Variants in DSE observed in about 807,000 individuals in gnomAD.
DSE encodes the protein dermatan sulfate epimerase.
In DSE, 36 loss-of-function variants were observed where a neutral mutation model predicts 84.4. That is an observed-to-expected ratio of 0.43 (90% confidence interval 0.33 to 0.56). The LOEUF is 0.56. DSE is among the 20% of genes least tolerant of loss of function. The pLI is 0.06. For missense variants in DSE, 862 were observed against 1,169.6 expected, an observed-to-expected ratio of 0.74 and a Z score of 3.84; for synonymous variants, 410 against 430.1, an observed-to-expected ratio of 0.95 and a Z score of 0.58.
chr6:116,258,509 G>T, exon 2 of DSE: 1 of 1,203,008 alleles, frequency 8.3e-7, no homozygotes, highest in Non-Finnish European at 1.2e-6. Flanking sequence ...GTTGGACTTG[G>T]CCACATGCTC....
intron 2 of DSE, among the ~76,000 whole-genome samples, chr6:116,335,328 AC>A: frequency 6.6e-6 from 1 of 152,240 alleles, no homozygotes; most frequent in East Asian, 1.9e-4. Flanking sequence ...AAATGATGAA[AC>A]CATATAGACA....
At chr6:116,343,720 C>G (rs1411511825) in intron 2 of DSE, among the ~76,000 whole-genome samples, 1 of 152,200 alleles carries the variant, frequency 6.6e-6, no homozygotes, top group Non-Finnish European at 1.5e-5. Flanking sequence ...AATCAGAGTG[C>G]CTCTTCTCCT....
chr6:116,338,219 C>CTTTTTTTTTTTTTTTTTT (rs893312210), intron 2 of DSE, among the ~76,000 whole-genome samples: 1 of 91,190 alleles, frequency 1.1e-5, no homozygotes, highest in African/African-American at 4.6e-5. Flanking sequence ...TTTCTTCTTT[C>CTTTTTTTTTTTTTTTTTT]TTTTTTTTTT....
intron 2 of DSE, among the ~76,000 whole-genome samples, chr6:116,308,595 G>A (rs904734912): frequency 2.6e-5 from 4 of 152,118 alleles, no homozygotes; most frequent in African/African-American, 9.7e-5. Flanking sequence ...TATTTTTAAA[G>A]CAATTTACAT....
intron 2 of DSE, among the ~76,000 whole-genome samples, chr6:116,298,238 A>G (rs1774787060): frequency 6.6e-6 from 1 of 152,190 alleles, no homozygotes; most frequent in South Asian, 2.1e-4. Context: ...AAAGATGTCC[A>G]TGTTCTAGTC....
At chr6:116,256,937 A>T (rs571253707) in intron 1 of DSE, among the ~76,000 whole-genome samples, 34 of 152,340 alleles carry the variant, frequency 2.2e-4, no homozygotes, top group Admixed American at 1.3e-4. Flanking sequence ...TCTATGGGAA[A>T]ATATCGATAG....
Position 116,437,509 on chromosome 6 carries a change from G to A in DSE, c.*164G>A, listed in dbSNP as rs1583240398. 3.0e-6 allele frequency: 2 copies of A among 662,316 alleles called. No individual in the cohort carries two copies. Among genetic ancestry groups the A allele is most frequent in the Non-Finnish European group, 4.8e-6 (2 of 413,356 alleles). The allele number at this position is 662,316 out of a possible 1,614,324, so 41.0% of individuals were successfully genotyped here. On this transcript the variant is annotated 3_prime_UTR_variant, in exon 6 of 6. Transcript: ENST00000644252. The stretch of plus-strand genomic sequence containing the variant: ...AAAGCAGGAACGTGGAGAAATTGGA[G>A]CAGGAAAAGAAATTATCAAAGCAAT...
chr6:116,284,826 A>G (rs1773781417), intron 2 of DSE, among the ~76,000 whole-genome samples: 1 of 152,090 alleles, frequency 6.6e-6, no homozygotes. Context: ...AGCTTCATCC[A>G]TGTCACTACA....
rs1166994239 is a variant in DSE at position 116,435,656 on chromosome 6, C to G, written c.1188C>G (p.Asp396Glu). Residue 396 changes from aspartate (D) to glutamate (E), a missense_variant, in exon 6 of 6, where the codon GAC becomes GAG. Asp to Glu is a conservative substitution (Grantham distance 45). Coordinates refer to ENST00000644252, the MANE Select transcript of DSE (RefSeq NM_013352.4). ...CCCCTACACTGCATTATTTTGAAGA[C>G]TGGGGTGTCGTGACTTATGGAAGTG... Reference protein sequence around the residue: ...FGTPTLHYFEDWGVVTYGSAL... With the variant: ...FGTPTLHYFEEWGVVTYGSAL... The G allele has an allele frequency of 1.9e-6, 3 of 1,613,940 alleles. No individual in the cohort carries two copies. In the African/African-American group the frequency reaches 4.0e-5, roughly 22 times the overall value.
chr6:116,402,782 A>G (rs969010604), intron 2 of DSE, among the ~76,000 whole-genome samples: 2 of 152,194 alleles, frequency 1.3e-5, no homozygotes, highest in African/African-American at 2.4e-5. Flanking sequence ...TTTAAAATGT[A>G]TACAAGAATC....
At chr6:116,435,419 C>G (rs982306501) in intron 5 of DSE, among the ~76,000 whole-genome samples, 168 bp from the exon 6 acceptor site, 1 of 152,138 alleles carries the variant, frequency 6.6e-6, no homozygotes, top group South Asian at 2.1e-4. Flanking sequence ...CAAGGGTTTC[C>G]CTTTGTGCAT....
At chr6:116,349,501 C>T (rs1191548258) in intron 2 of DSE, among the ~76,000 whole-genome samples, 1 of 152,214 alleles carries the variant, frequency 6.6e-6, no homozygotes, top group East Asian at 1.9e-4. Flanking sequence ...CGGGCCTTCT[C>T]CAGGAAATAT....
chr6:116,380,410 G>A (rs1351218830), intron 1 of DSE, among the ~76,000 whole-genome samples: 1 of 152,100 alleles, frequency 6.6e-6, no homozygotes, highest in African/African-American at 2.4e-5. Flanking sequence ...AATGCAGTAG[G>A]ATTGCAGGAA....
intron 1 of DSE, among the ~76,000 whole-genome samples, chr6:116,385,580 T>A (rs1441565381): frequency 6.6e-6 from 1 of 152,090 alleles, no homozygotes. Context: ...TGCCAGTAAC[T>A]GAGTTGGGGA....
intron 2 of DSE, among the ~76,000 whole-genome samples, chr6:116,361,418 G>A (rs1392158878): frequency 6.6e-6 from 1 of 152,114 alleles, no homozygotes; most frequent in African/African-American, 2.4e-5. Flanking sequence ...GGCTTAATGA[G>A]CTTTTTTGAG....
chr6:116,308,744 C>A (rs1582989675), intron 2 of DSE, among the ~76,000 whole-genome samples: 1 of 152,022 alleles, frequency 6.6e-6, no homozygotes, highest in Non-Finnish European at 1.5e-5. Context: ...GTGGCATGAT[C>A]TCGGCTCACT....
chr6:116,266,284 T>C (rs931964347), intron 2 of DSE, among the ~76,000 whole-genome samples: 2 of 152,204 alleles, frequency 1.3e-5, no homozygotes, highest in Non-Finnish European at 2.9e-5. Context: ...ATTGGACAAC[T>C]GCAACCTCTT....
In DSE at chr6:116,436,132, A is replaced by G; in HGVS notation, c.1664A>G (p.Gln555Arg). Residue 555 changes from glutamine (Q) to arginine (R), a missense_variant, in exon 6 of 6, where the codon CAG becomes CGG. Physicochemically the swap from Gln to Arg is conservative, Grantham distance 43. Around this residue, in one of 4 missense-constraint regions of DSE, gnomAD observed 186 missense variants for 255.1 expected, o/e 0.73. Transcript: ENST00000644252. ...YNPQLNLKNV[Q>R]RNLILLHPQL... ...CCCCAGCTCAACCTGAAGAATGTTC[A>G]GAGGAATCTCATCCTCCTACATCCA... 2.5e-6 allele frequency: 4 copies of G among 1,613,028 alleles called. No individual in the cohort carries two copies. The highest frequency in any genetic ancestry group is 2.2e-5 in the South Asian group (2 of 91,024).
intron 2 of DSE, among the ~76,000 whole-genome samples, chr6:116,274,187 A>G (rs909485680): frequency 1.3e-5 from 2 of 151,978 alleles, no homozygotes; most frequent in African/African-American, 4.8e-5. Flanking sequence ...AGACTCAGAT[A>G]TTTTCCTTTT....
Sources: gnomAD v4.1 joint callset for allele counts (sites outside exome capture counted in the v4.1 genomes callset) on GRCh38, gnomAD v4.1.1 for gene constraint, gnomAD v4.1.1 regional missense constraint, MANE v1.5 for transcripts, NCBI Gene and HGNC (gene_info 2026-07-23, HGNC 2026-07-21) for gene names.